Variants in DRC11 observed in about 807,000 individuals in gnomAD.
DRC11 encodes IQ and AAA domain-containing protein 1.
At chr2:236,322,032 C>G in the DRC11 span, among the ~76,000 whole-genome samples, 1 of 152,092 alleles carries the variant, frequency 6.6e-6, no homozygotes, top group Non-Finnish European at 1.5e-5. Flanking sequence ...ACACAACTCT[C>G]CCTCCCAGAT....
the DRC11 span, among the ~76,000 whole-genome samples, chr2:236,370,975 T>C: frequency 6.6e-6 from 1 of 152,120 alleles, no homozygotes; most frequent in Non-Finnish European, 1.5e-5. This position sits in a 1 kb window ranked among gnomAD's most constrained non-coding sequence, Gnocchi z 5.5. Context: ...TGTTGGGAGT[T>C]CAATGGTGTT....
At chr2:236,337,616 G>T in the DRC11 span, among the ~76,000 whole-genome samples, 2 of 152,204 alleles carry the variant, frequency 1.3e-5, no homozygotes, top group African/African-American at 4.8e-5. The surrounding 1 kb of genome is among the most constrained non-coding windows in gnomAD (Gnocchi z 4.9). Flanking sequence ...GAGAGCCCCA[G>T]CCCAGGCTCC....
At chr2:236,323,012 A>G in the DRC11 span, among the ~76,000 whole-genome samples, 1 of 152,220 alleles carries the variant, frequency 6.6e-6, no homozygotes, top group African/African-American at 2.4e-5. The surrounding 1 kb of genome is among the most constrained non-coding windows in gnomAD (Gnocchi z 6.4). Flanking sequence ...ACTGTTTATT[A>G]AATGTTACCT....
the DRC11 span, among the ~76,000 whole-genome samples, chr2:236,484,611 T>C: frequency 6.6e-6 from 1 of 152,110 alleles, no homozygotes; most frequent in Non-Finnish European, 1.5e-5. Context: ...TTTTTTTTTT[T>C]TTGTAGCAAA....
chr2:236,450,311 T>TTCC, the DRC11 span, among the ~76,000 whole-genome samples: 1 of 147,766 alleles, frequency 6.8e-6, no homozygotes. Context: ...TTTCTTTTCT[T>TTCC]TTCTTTTTTT....
At chr2:236,384,984 T>C in the DRC11 span, among the ~76,000 whole-genome samples, 1 of 152,134 alleles carries the variant, frequency 6.6e-6, no homozygotes, top group Non-Finnish European at 1.5e-5. Context: ...TATTTGGCGT[T>C]ATTTCTGAGG....
At chr2:236,314,112 G>C in the DRC11 span, among the ~76,000 whole-genome samples, 2 of 152,202 alleles carry the variant, frequency 1.3e-5, no homozygotes, top group African/African-American at 4.8e-5. The surrounding 1 kb of genome is among the most constrained non-coding windows in gnomAD (Gnocchi z 4.5). Flanking sequence ...TGTTGTATCA[G>C]TGATATTATA....
At chr2:236,419,188 T>C in the DRC11 span, 3 of 1,542,100 alleles carry the variant, frequency 1.9e-6, no homozygotes, top group Non-Finnish European at 2.6e-6. The surrounding 1 kb of genome is among the most constrained non-coding windows in gnomAD (Gnocchi z 4.8). Context: ...GTTTTTTGGC[T>C]TTCTTGGGTT....
the DRC11 span, among the ~76,000 whole-genome samples, chr2:236,424,036 C>T: frequency 8.2e-6 from 1 of 122,080 alleles, no homozygotes; most frequent in Non-Finnish European, 1.6e-5. Context: ...GAACATCACA[C>T]TCTGGGGCCT....
At chr2:236,467,432 A>G in the DRC11 span, among the ~76,000 whole-genome samples, 1 of 152,228 alleles carries the variant, frequency 6.6e-6, no homozygotes, top group African/African-American at 2.4e-5. Context: ...TCTTCCAGAA[A>G]CAATTTGACT....
the DRC11 span, among the ~76,000 whole-genome samples, chr2:236,355,779 A>G: frequency 6.6e-6 from 1 of 151,956 alleles, no homozygotes; most frequent in Non-Finnish European, 1.5e-5. Context: ...TAAATCAACC[A>G]CAAATAGCAG....
chr2:236,507,469 G>C, the DRC11 span: 1 of 598,208 alleles, frequency 1.7e-6, no homozygotes, highest in African/African-American at 1.8e-5. Flanking sequence ...CGCAGGCACG[G>C]AGCGCGCAGG....
the DRC11 span, among the ~76,000 whole-genome samples, chr2:236,466,041 A>C: frequency 5.9e-5 from 9 of 152,228 alleles, no homozygotes; most frequent in African/African-American, 2.2e-4. Flanking sequence ...ATTGTACAGA[A>C]GAAACATTTG....
the DRC11 span, among the ~76,000 whole-genome samples, chr2:236,473,281 A>C: frequency 6.6e-6 from 1 of 152,190 alleles, no homozygotes; most frequent in South Asian, 2.1e-4. The surrounding 1 kb of genome is among the most constrained non-coding windows in gnomAD (Gnocchi z 4.8). Context: ...GGGCAACAAA[A>C]GCACAATTAC....
At chr2:236,406,001 G>C in the DRC11 span, among the ~76,000 whole-genome samples, 11 of 152,196 alleles carry the variant, frequency 7.2e-5, no homozygotes, top group Admixed American at 4.6e-4. This position sits in a 1 kb window ranked among gnomAD's most constrained non-coding sequence, Gnocchi z 4.7. Flanking sequence ...AATAAGGGGG[G>C]ACTAGTGCAT....
chr2:236,358,816 G>C, the DRC11 span, among the ~76,000 whole-genome samples: 10 of 148,332 alleles, frequency 6.7e-5, no homozygotes, highest in African/African-American at 2.5e-4. Flanking sequence ...TGGATTTCAC[G>C]CTAGGTCAGG....
chr2:236,386,613 G>GCTT, the DRC11 span, among the ~76,000 whole-genome samples: 1 of 152,046 alleles, frequency 6.6e-6, no homozygotes, highest in South Asian at 2.1e-4. Context: ...CAAAAAACCA[G>GCTT]CTCCTGGATT....
chr2:236,357,576 ATATAT>A, the DRC11 span, among the ~76,000 whole-genome samples: 1 of 127,092 alleles, frequency 7.9e-6, no homozygotes, highest in Admixed American at 8.4e-5. Flanking sequence ...ATGCATAGTT[ATATAT>A]TATAAATATG....
chr2:236,406,773 T>G, the DRC11 span, among the ~76,000 whole-genome samples: 19 of 150,434 alleles, frequency 1.3e-4, no homozygotes, highest in Admixed American at 7.3e-4. The surrounding 1 kb of genome is among the most constrained non-coding windows in gnomAD (Gnocchi z 4.7). Flanking sequence ...TGAGATGGAG[T>G]TTCACTCTGT....
Sources: gnomAD v4.1 joint callset for allele counts (sites outside exome capture counted in the v4.1 genomes callset) on GRCh38, gnomAD v4.1.1 for gene constraint, Gnocchi (gnomAD v3.1) non-coding constraint, MANE v1.5 for transcripts, NCBI Gene and HGNC (gene_info 2026-07-23, HGNC 2026-07-21) for gene names.